PCDHA4: variants seen among roughly 807,000 people sequenced by gnomAD.
PCDHA4 encodes the protein protocadherin alpha-4.
A neutral mutation model predicts 61.4 loss-of-function variants in PCDHA4; 49 were observed. The observed-to-expected ratio is 0.80, with a 90% CI of 0.63 to 1.01. PCDHA4 has a LOEUF of 1.01. Among genes scored for constraint, PCDHA4 ranks in the 50% least tolerant of loss-of-function variants. PCDHA4 has a pLI of 0.00. For missense variants in PCDHA4, 1,254 were observed against 1,235.8 expected, an observed-to-expected ratio of 1.01 and a Z score of -0.22; for synonymous variants, 590 against 550.3, an observed-to-expected ratio of 1.07 and a Z score of -1.01.
chr5:140,871,272 G>A, intron 1 of PCDHA4: 2 of 1,613,942 alleles, frequency 1.2e-6, no homozygotes, highest in South Asian at 2.2e-5. Flanking sequence ...TGTGGTGGTC[G>A]GCAACGCCCA....
At chr5:140,914,646 C>A (rs2076792238) in intron 1 of PCDHA4, among the ~76,000 whole-genome samples, 1 of 152,018 alleles carries the variant, frequency 6.6e-6, no homozygotes, top group Admixed American at 6.5e-5. Context: ...ATGGTCATCT[C>A]TCCCTTCTTT....
chr5:140,881,257 C>A, intron 1 of PCDHA4: 1 of 512,564 alleles, frequency 2.0e-6, no homozygotes, highest in Non-Finnish European at 2.5e-6. Context: ...CAAGGTTTTA[C>A]TCAGTGATGA....
rs192388233 is a variant in PCDHA4 at position 140,869,206 on chromosome 5, G to C, written c.2385+59634G>C. 4,858 of 1,613,972 alleles carry C rather than the reference G, an allele frequency of 3.0e-3. 14 individuals carry two copies. The highest frequency in any genetic ancestry group is 3.0e-3 in the Non-Finnish European group (3,497 of 1,179,950). On this transcript the variant is annotated intron_variant, in intron 1 of 3. Transcript: ENST00000530339. ...GGGGAGCGGCCAGCTCCACTACTCC[G>C]TCTCGGAGGAGGCCAAACACGGCAC...
intron 1 of PCDHA4, chr5:140,870,783 C>A: frequency 6.2e-7 from 1 of 1,613,598 alleles, no homozygotes; most frequent in Non-Finnish European, 8.5e-7. Context: ...AGAACGACAA[C>A]GCGCCGGCAC....
At chr5:140,945,369 A>T (rs2153669585) in intron 1 of PCDHA4, among the ~76,000 whole-genome samples, 1 of 152,234 alleles carries the variant, frequency 6.6e-6, no homozygotes, top group African/African-American at 2.4e-5. Flanking sequence ...TAAAATGTCC[A>T]TATTACCCAA....
In PCDHA4 at chr5:140,838,075, ATAGTGTGTGTGTGTGTGT is replaced by A. The variant is rs1389630911; in HGVS notation, c.2385+28504_2385+28521del. ...GTTTTCCACTTTAAGTTATATATAT[ATAGTGTGTGTGTGTGTGT>A]GTGTGTGTGTGTGTGTGTGTGTGTG... On this transcript the variant is annotated intron_variant, in intron 1 of 3. Coordinates refer to ENST00000530339, the MANE Select transcript of PCDHA4 (RefSeq NM_018907.4). Among the ~76,000 whole-genome samples the A allele has an allele frequency of 3.2e-3, 416 of 128,230 alleles. 8 individuals are homozygous for A. The highest frequency in any genetic ancestry group is 9.2e-3 in the African/African-American group (302 of 32,656). The allele number at this position is 128,230 out of a possible 152,430, so 84.1% of individuals were successfully genotyped here.
chr5:140,929,330 G>T, intron 1 of PCDHA4: 1 of 1,535,218 alleles, frequency 6.5e-7, no homozygotes. Context: ...GCCATGGTAA[G>T]CAAATTTTAT....
chr5:140,856,356 T>A lies in PCDHA4; in HGVS notation c.2385+46784T>A, dbSNP rs782497272. ...TGCGGGCGGAGCGTGGAGTGCAGCA[T>A]CCACCTGGAGGTGATCGTGGACAGG... On this transcript the variant is annotated intron_variant, in intron 1 of 3. Coordinates refer to ENST00000530339, the MANE Select transcript of PCDHA4 (RefSeq NM_018907.4). 3 of 1,598,530 alleles carry A rather than the reference T, an allele frequency of 1.9e-6. 1 individual carries two copies. Among genetic ancestry groups the A allele is most frequent in the South Asian group, 2.2e-5 (2 of 90,522 alleles).
chr5:141,004,591 A>G (rs1277305361), intron 3 of PCDHA4, among the ~76,000 whole-genome samples: 3 of 152,222 alleles, frequency 2.0e-5, no homozygotes, highest in Non-Finnish European at 2.9e-5. Context: ...TCTCCAGATG[A>G]CAGTGCTTAG....
intron 1 of PCDHA4, chr5:140,851,766 T>G: frequency 2.1e-6 from 2 of 968,988 alleles, no homozygotes; most frequent in Non-Finnish European, 2.5e-6. Flanking sequence ...AACATTACCC[T>G]TATGAATTTA....
intron 1 of PCDHA4, among the ~76,000 whole-genome samples, chr5:140,977,702 A>C (rs1420121979): frequency 1.3e-5 from 2 of 152,190 alleles, no homozygotes; most frequent in African/African-American, 4.8e-5. Context: ...AATCTGTCTG[A>C]ATATTGAGAT....
chr5:140,966,946 C>G (rs377699694), intron 1 of PCDHA4: 3 of 1,603,368 alleles, frequency 1.9e-6, no homozygotes, highest in African/African-American at 2.7e-5. Context: ...TCGTGGGCAA[C>G]GTGGCTCGCG....
intron 3 of PCDHA4, among the ~76,000 whole-genome samples, chr5:140,999,965 T>C (rs1439660759): frequency 1.3e-5 from 2 of 151,684 alleles, no homozygotes; most frequent in African/African-American, 4.8e-5. Flanking sequence ...TACCCAGGAG[T>C]AGCAGCTCTA....
chr5:140,814,753 T>C (rs1765582163), intron 1 of PCDHA4: 1 of 152,232 alleles, frequency 6.6e-6, no homozygotes, highest in East Asian at 1.9e-4. Context: ...ATGGGACTAC[T>C]CTTGTACATG....
intron 1 of PCDHA4, among the ~76,000 whole-genome samples, chr5:140,900,607 C>T (rs1340239730): frequency 6.6e-6 from 1 of 152,170 alleles, no homozygotes; most frequent in Non-Finnish European, 1.5e-5. Context: ...TGATGATGGA[C>T]ATGTAGATTG....
intron 1 of PCDHA4, chr5:140,884,666 A>C (rs1554181818): frequency 6.4e-7 from 1 of 1,571,180 alleles, no homozygotes; most frequent in African/African-American, 1.4e-5. Flanking sequence ...GAAAGAGGTA[A>C]GCTTATATTT....
At chr5:140,928,121 A>C in intron 1 of PCDHA4, 1 of 1,614,194 alleles carries the variant, frequency 6.2e-7, no homozygotes, top group Non-Finnish European at 8.5e-7. Flanking sequence ...CAGATCAGTG[A>C]ATACCAAGTC....
At position 140,966,633 on chromosome 5, in the gene PCDHA4, C is replaced by T. The variant is rs2096029445; in HGVS notation, c.2386-12316C>T. ...GGCCTACGGAGGGAGCGGCCCCAGG[C>T]GCTTTCTAGAGCGTGAGCGGTGGGG... On this transcript the variant is annotated intron_variant, in intron 1 of 3. Transcript: ENST00000530339. 9 of 1,005,684 alleles carry T rather than the reference C, an allele frequency of 8.9e-6. No homozygotes were observed. In the South Asian group the frequency reaches 1.6e-4, roughly 18 times the overall value. 62.3% of individuals were successfully genotyped at this position (1,005,684 alleles called of 1,614,324 possible).
Position 141,010,074 on chromosome 5 carries a change from G to C in PCDHA4, c.*137G>C. 6.2e-7 allele frequency: 1 copy of C among 1,607,844 alleles called. No homozygotes were observed. Among genetic ancestry groups the C allele is most frequent in the Non-Finnish European group, 8.5e-7 (1 of 1,176,754 alleles). On this transcript the variant is annotated 3_prime_UTR_variant, in exon 4 of 4. Transcript: ENST00000530339. ...CTCAGAAATCTGCAGAAAGTTCCCT[G>C]TGTCTGTCTAGAACGCATTTAACAG...
Sources: allele counts gnomAD v4.1 joint callset (sites outside exome capture counted in the v4.1 genomes callset), GRCh38; gene constraint gnomAD v4.1.1; transcripts MANE v1.5; gene names NCBI Gene and HGNC (gene_info 2026-07-23, HGNC 2026-07-21).